Variants in SAMD5 observed in about 807,000 individuals in gnomAD.
The protein encoded by SAMD5 is sterile alpha motif domain-containing protein 5.
SAMD5 carries 13 observed loss-of-function variants against 11.3 expected under a neutral mutation model. The ratio of observed to expected loss-of-function variants is 1.15; its 90% CI spans 0.75 to 1.83. The LOEUF (loss-of-function observed/expected upper bound fraction) is 1.83, where lower values mean the gene tolerates loss of function less well. SAMD5 is among the 40% of genes most tolerant of loss of function. The pLI is 0.00. For synonymous variants in SAMD5, 129 were observed against 111.3 expected, an observed-to-expected ratio of 1.16 and a Z score of -1.00; for missense variants, 255 against 239.1, an observed-to-expected ratio of 1.07 and a Z score of -0.44.
At chr6:147,635,127 G>GT (rs1451605824) in intron 1 of SAMD5, among the ~76,000 whole-genome samples, 2 of 152,148 alleles carry the variant, frequency 1.3e-5, no homozygotes, top group African/African-American at 4.8e-5. Context: ...AGTTTGTACT[G>GT]TAGAGATATC....
chr6:147,594,123 G>A (rs950218807), intron 1 of SAMD5, among the ~76,000 whole-genome samples: 2 of 151,892 alleles, frequency 1.3e-5, no homozygotes, highest in African/African-American at 4.8e-5. Flanking sequence ...AGTGAGACTT[G>A]GTCTCAAAAC....
chr6:147,876,589 G>A, the SAMD5 span, among the ~76,000 whole-genome samples: 1 of 151,994 alleles, frequency 6.6e-6, no homozygotes, highest in East Asian at 1.9e-4. Context: ...CTAAAGGAGA[G>A]GAAACAAAAG....
intron 1 of SAMD5, among the ~76,000 whole-genome samples, chr6:147,607,694 G>A (rs1169701148): frequency 6.6e-6 from 1 of 152,122 alleles, no homozygotes; most frequent in Non-Finnish European, 1.5e-5. Flanking sequence ...ACCACTACAA[G>A]AAAACATTGA....
In SAMD5 at chr6:147,568,423, T is replaced by A. The variant is rs1439183154; in HGVS notation, c.*3967T>A. ...TTTATATAGATTCTTACAAGTAATATTTGATTAGGTATCAAAATAGGTTTA... is the reference window on the plus strand; with the variant it reads ...TTTATATAGATTCTTACAAGTAATAATTGATTAGGTATCAAAATAGGTTTA... On this transcript the variant is annotated 3_prime_UTR_variant, in exon 2 of 2. Transcript: ENST00000367474. 13 of 985,158 alleles carry A rather than the reference T, an allele frequency of 1.3e-5. No homozygotes were observed. Among genetic ancestry groups the A allele is most frequent in the Non-Finnish European group, 1.6e-5 (13 of 829,682 alleles). The allele number at this position is 985,158 out of a possible 1,614,324, so 61.0% of individuals were successfully genotyped here.
intron 1 of SAMD5, among the ~76,000 whole-genome samples, chr6:147,681,649 T>G (rs1215622916): frequency 6.6e-6 from 1 of 152,226 alleles, no homozygotes; most frequent in Non-Finnish European, 1.5e-5. Flanking sequence ...CTGGAATTTT[T>G]TCTACTTCTA....
chr6:147,736,632 T>C (rs982584346), intron 1 of SAMD5, among the ~76,000 whole-genome samples: 1 of 152,186 alleles, frequency 6.6e-6, no homozygotes, highest in African/African-American at 2.4e-5. Flanking sequence ...CTTGAGAGCA[T>C]GTTCTGATGG....
chr6:147,608,970 T>A (rs1308998277), intron 1 of SAMD5, among the ~76,000 whole-genome samples: 1 of 152,076 alleles, frequency 6.6e-6, no homozygotes, highest in Non-Finnish European at 1.5e-5. Flanking sequence ...AAAATAAAAT[T>A]AAAAAATTAA....
At chr6:147,904,265 C>A in the SAMD5 span, among the ~76,000 whole-genome samples, 6 of 152,162 alleles carry the variant, frequency 3.9e-5, no homozygotes, top group African/African-American at 1.4e-4. Flanking sequence ...TTGGCGTGTG[C>A]ATGAAAATGA....
rs551239199 is a variant in SAMD5, at chr6:147,611,975, T to C, written c.162+102588T>C. 2.6e-3 allele frequency among the ~76,000 whole-genome samples: 396 copies of C among 152,356 alleles called. 3 individuals are homozygous for C. Among genetic ancestry groups the C allele is most frequent in the African/African-American group, 8.8e-3 (367 of 41,596 alleles). ...CAGCTGTAGGTACTTGCTAGAGTGC[T>C]GGGCCATCGATGTAGCTCATCTCCC... On this transcript the variant is annotated intron_variant, in intron 1 of 1. Coordinates refer to the SAMD5 transcript ENST00000566741.
chr6:147,591,640 C>T (rs147537390), intron 1 of SAMD5, among the ~76,000 whole-genome samples: 107 of 152,210 alleles, frequency 7.0e-4, no homozygotes, highest in South Asian at 1.5e-3. Context: ...CCAATTCAGT[C>T]ATACATCTGG....
In SAMD5 at chr6:147,716,409, C is replaced by T. The variant is rs1343272197; in HGVS notation, c.163-20908C>T. 2.0e-5 allele frequency among the ~76,000 whole-genome samples: 3 copies of T among 152,222 alleles called. No homozygotes were observed. In the East Asian group the frequency reaches 5.8e-4, roughly 29 times the overall value. On this transcript the variant is annotated intron_variant, in intron 1 of 1. Transcript: ENST00000566741. The stretch of plus-strand genomic sequence containing the variant: ...GAGCCTGCAAGGGTAGGGGTTCCTT[C>T]CCAGGCCCCTGAGAGTGCAGAGATG...
At chr6:147,559,320 T>C (rs1395518081) in intron 1 of SAMD5, among the ~76,000 whole-genome samples, 1 of 152,166 alleles carries the variant, frequency 6.6e-6, no homozygotes, top group Non-Finnish European at 1.5e-5. Flanking sequence ...GTTGGAAAAA[T>C]TATAAAATCG....
chr6:147,953,542 A>G, the SAMD5 span: 1 of 152,226 alleles, frequency 6.6e-6, no homozygotes, highest in African/African-American at 2.4e-5. Context: ...GAAATTTGAA[A>G]CTATGCATTT....
the SAMD5 span, among the ~76,000 whole-genome samples, chr6:147,778,415 C>G: frequency 6.6e-6 from 1 of 152,158 alleles, no homozygotes; most frequent in Non-Finnish European, 1.5e-5. Flanking sequence ...GCACCTCAAC[C>G]TTAAAATGTC....
At chr6:147,916,638 G>A in the SAMD5 span, among the ~76,000 whole-genome samples, 27 of 151,866 alleles carry the variant, frequency 1.8e-4, no homozygotes, top group Admixed American at 6.6e-5. Context: ...CAGGTGCCAT[G>A]CTGGTGTGCT....
At chr6:147,673,217 A>AT (rs34581819) in intron 1 of SAMD5, among the ~76,000 whole-genome samples, 5,477 of 144,554 alleles carry the variant, frequency 0.038, 131 homozygotes, top group Middle Eastern at 0.062. Context: ...AGCAAAAACC[A>AT]TTTTTTTTTT....
intron 1 of SAMD5, among the ~76,000 whole-genome samples, chr6:147,527,447 A>G (rs918825447): frequency 9.2e-5 from 14 of 152,140 alleles, no homozygotes; most frequent in African/African-American, 3.4e-4. Context: ...GGGGGCATGG[A>G]GCCAAACCAT....
At chr6:147,839,373 GT>G in the SAMD5 span, among the ~76,000 whole-genome samples, 1 of 152,146 alleles carries the variant, frequency 6.6e-6, no homozygotes, top group Non-Finnish European at 1.5e-5. Flanking sequence ...CTAATATAAT[GT>G]TTTTTTAAAG....
intron 1 of SAMD5, among the ~76,000 whole-genome samples, chr6:147,527,572 T>C (rs969678930): frequency 6.6e-6 from 1 of 151,944 alleles, no homozygotes; most frequent in Non-Finnish European, 1.5e-5. Context: ...ACCATATCAT[T>C]TGGCCCCTGA....
Sources: gnomAD v4.1 joint callset for allele counts (sites outside exome capture counted in the v4.1 genomes callset) on GRCh38, gnomAD v4.1.1 for gene constraint, MANE v1.5 for transcripts, NCBI Gene and HGNC (gene_info 2026-07-23, HGNC 2026-07-21) for gene names.